GPC5: variants seen among roughly 807,000 people sequenced by gnomAD.
GPC5 encodes glypican 5.
In GPC5, 47 loss-of-function variants were observed where a neutral mutation model predicts 53.9. The observed-to-expected ratio is 0.87, with a 90% CI of 0.69 to 1.11. The LOEUF (loss-of-function observed/expected upper bound fraction) is 1.11. Among genes scored for constraint, GPC5 ranks in the 50% most tolerant of loss-of-function variants. GPC5 has a pLI of 0.00. For synonymous variants in GPC5, 286 were observed against 263.3 expected, an observed-to-expected ratio of 1.09 and a Z score of -0.84; for missense variants, 748 against 713.1, an observed-to-expected ratio of 1.05 and a Z score of -0.56.
At chr13:92,208,634 A>C (rs771573004) in intron 7 of GPC5, among the ~76,000 whole-genome samples, 1 of 152,262 alleles carries the variant, frequency 6.6e-6, no homozygotes, top group Non-Finnish European at 1.5e-5. Context: ...TTTCAGATAC[A>C]GTTGACTTTA....
chr13:92,597,112 C>T (rs1259923709), intron 7 of GPC5, among the ~76,000 whole-genome samples: 1 of 152,164 alleles, frequency 6.6e-6, no homozygotes, highest in African/African-American at 2.4e-5. Context: ...CTGTTAGGAT[C>T]CTGCTTACAA....
chr13:92,776,642 T>C (rs1191421717), intron 7 of GPC5, among the ~76,000 whole-genome samples: 2 of 152,202 alleles, frequency 1.3e-5, no homozygotes. Context: ...TTTCCAAATT[T>C]TATTTTATTA....
chr13:91,821,152 G>A (rs2038488977), intron 5 of GPC5, among the ~76,000 whole-genome samples: 2 of 152,040 alleles, frequency 1.3e-5, no homozygotes, highest in Admixed American at 6.6e-5. Context: ...TGCCTTTAAT[G>A]CTTCTCAATA....
chr13:91,788,590 C>G (rs577391926), intron 5 of GPC5, among the ~76,000 whole-genome samples: 8 of 152,252 alleles, frequency 5.3e-5, no homozygotes, highest in African/African-American at 1.7e-4. Flanking sequence ...CTTTATTTTA[C>G]ATTATTTTGC....
chr13:91,569,201 A>T (rs2031671653), intron 2 of GPC5, among the ~76,000 whole-genome samples: 2 of 152,158 alleles, frequency 1.3e-5, no homozygotes, highest in Admixed American at 6.6e-5. Flanking sequence ...AAATTTTAGG[A>T]TATGAAAGTG....
intron 7 of GPC5, among the ~76,000 whole-genome samples, chr13:92,304,808 T>G (rs1355350403): frequency 3.3e-5 from 5 of 152,228 alleles, no homozygotes; most frequent in African/African-American, 1.2e-4. Context: ...TCTTAAATTT[T>G]GGCATATTTT....
At chr13:92,725,328 G>T (rs1888613522) in intron 7 of GPC5, among the ~76,000 whole-genome samples, 1 of 151,386 alleles carries the variant, frequency 6.6e-6, no homozygotes, top group Non-Finnish European at 1.5e-5. Context: ...TTATATATCT[G>T]TTCTCCTAAT....
intron 7 of GPC5, among the ~76,000 whole-genome samples, chr13:92,783,452 A>G (rs754603645): frequency 2.0e-5 from 3 of 152,212 alleles, no homozygotes; most frequent in Non-Finnish European, 4.4e-5. Context: ...GGGATTCACT[A>G]GTCTGGAAAT....
chr13:92,018,017 C>T (rs2040723096), intron 6 of GPC5, among the ~76,000 whole-genome samples: 1 of 151,920 alleles, frequency 6.6e-6, no homozygotes, highest in African/African-American at 2.4e-5. Flanking sequence ...CATACACATG[C>T]ACGAGTACAC....
At chr13:92,740,140 A>G (rs1445530713) in intron 7 of GPC5, among the ~76,000 whole-genome samples, 1 of 151,736 alleles carries the variant, frequency 6.6e-6, no homozygotes, top group Non-Finnish European at 1.5e-5. Context: ...TTCTCGGGGC[A>G]TTTGCAGTTG....
intron 7 of GPC5, among the ~76,000 whole-genome samples, chr13:92,410,716 CTT>C (rs1448469544): frequency 6.6e-6 from 1 of 152,154 alleles, no homozygotes; most frequent in Non-Finnish European, 1.5e-5. Context: ...CTTTAATTAA[CTT>C]GAGTTAAAAA....
Position 91,961,615 on chromosome 13 carries a change from AAC to A in GPC5, c.1401+53562_1401+53563del, listed in dbSNP as rs1345197831. Reference sequence around the variant, plus strand: ...TAAACAAAGGATTGTTATTCATAATAACACAGCAGAAAACAAACTCATATGTC... The same window carrying A: ...TAAACAAAGGATTGTTATTCATAATAACAGCAGAAAACAAACTCATATGTC... On this transcript the variant is annotated intron_variant, in intron 6 of 7. Coordinates refer to ENST00000377067, the MANE Select transcript of GPC5 (RefSeq NM_004466.6). Among the ~76,000 whole-genome samples, 12 of 152,214 alleles carry A rather than the reference AAC, an allele frequency of 7.9e-5. No individual in the cohort carries two copies. In the South Asian group the frequency reaches 2.3e-3, roughly 29 times the overall value.
At chr13:92,852,377 G>C (rs920005572) in intron 7 of GPC5, among the ~76,000 whole-genome samples, 12 of 152,050 alleles carry the variant, frequency 7.9e-5, no homozygotes, top group Admixed American at 1.3e-4. Context: ...TTTTAACTAG[G>C]TCAAAGGTGA....
At chr13:91,635,684 A>T (rs1176017752) in intron 2 of GPC5, among the ~76,000 whole-genome samples, 2 of 152,250 alleles carry the variant, frequency 1.3e-5, no homozygotes, top group East Asian at 3.9e-4. Flanking sequence ...ATTTTCCAAG[A>T]AGATAATTAG....
intron 7 of GPC5, among the ~76,000 whole-genome samples, chr13:92,435,429 A>G: frequency 6.6e-6 from 1 of 152,224 alleles, no homozygotes; most frequent in South Asian, 2.1e-4. Context: ...AAGGCCTAAA[A>G]GTATTGAATA....
At chr13:92,574,743 G>A (rs1290285752) in intron 7 of GPC5, among the ~76,000 whole-genome samples, 1 of 152,142 alleles carries the variant, frequency 6.6e-6, no homozygotes, top group East Asian at 1.9e-4. Context: ...GAGGTGAGCA[G>A]GAGAGCAGCT....
At chr13:91,507,234 C>T (rs945445955) in intron 2 of GPC5, among the ~76,000 whole-genome samples, 7 of 152,256 alleles carry the variant, frequency 4.6e-5, no homozygotes, top group Middle Eastern at 3.4e-3. Context: ...TCTTCTTGCT[C>T]TGTCATCACA....
intron 5 of GPC5, among the ~76,000 whole-genome samples, chr13:91,895,225 C>T (rs985833290): frequency 2.5e-4 from 38 of 152,158 alleles, no homozygotes; most frequent in African/African-American, 7.0e-4. Context: ...GCTTCAGATC[C>T]CACTTCTGGA....
intron 7 of GPC5, among the ~76,000 whole-genome samples, chr13:92,212,310 C>A (rs1000094594): frequency 6.6e-6 from 1 of 151,952 alleles, no homozygotes; most frequent in African/African-American, 2.4e-5. Flanking sequence ...ATGATAGGAT[C>A]GTGATTTGGA....
Sources: gnomAD v4.1 joint callset for allele counts (sites outside exome capture counted in the v4.1 genomes callset) on GRCh38, gnomAD v4.1.1 for gene constraint, MANE v1.5 for transcripts, NCBI Gene and HGNC (gene_info 2026-07-23, HGNC 2026-07-21) for gene names.